The following ERBB4 variants were observed in gnomAD, a reference collection of about 807,000 sequenced individuals.
ERBB4 encodes the protein erb-b2 receptor tyrosine kinase 4.
Under a neutral mutation model 158.0 loss-of-function variants are expected in ERBB4, and 42 were observed. The observed-to-expected ratio is 0.27, with a 90% CI of 0.21 to 0.34. The LOEUF (loss-of-function observed/expected upper bound fraction) is 0.34, where lower values mean the gene tolerates loss of function less well. Ranked by LOEUF, ERBB4 falls within the 10% of genes least tolerant of loss-of-function variation. The pLI, the probability that ERBB4 is intolerant of heterozygous loss-of-function variation, is 1.00. For synonymous variants in ERBB4, 583 were observed against 558.7 expected (o/e 1.04, Z -0.61); for missense variants, 1,333 against 1,624.1 (o/e 0.82, Z 3.08).
chr2:211,424,303 T>C lies in ERBB4; in HGVS notation c.2720-2A>G. On this transcript the variant is annotated splice_acceptor_variant, in intron 22 of 27. Coordinates refer to ENST00000342788, the MANE Select transcript of ERBB4 (RefSeq NM_005235.3). LOFTEE classifies it high-confidence loss of function. ...TCATCAGTTCCCATATAGTAACTCCTATATTGGAGAAAAAATTCTTACTTA... is the reference window on the plus strand; with the variant it reads ...TCATCAGTTCCCATATAGTAACTCCCATATTGGAGAAAAAATTCTTACTTA... 2 of 1,610,622 alleles carry C rather than the reference T, an allele frequency of 1.2e-6. No homozygotes were observed. The highest frequency in any genetic ancestry group is 1.7e-6 in the Non-Finnish European group (2 of 1,177,322).
chr2:212,080,293 C>T (rs986088420), intron 2 of ERBB4, among the ~76,000 whole-genome samples: 1 of 150,692 alleles, frequency 6.6e-6, no homozygotes, highest in Non-Finnish European at 1.5e-5. Flanking sequence ...AGCCTGACAA[C>T]AGAGCCAGAC....
chr2:212,475,525 C>G (rs369253990), intron 1 of ERBB4, among the ~76,000 whole-genome samples: 4 of 152,296 alleles, frequency 2.6e-5, no homozygotes, highest in African/African-American at 9.6e-5. Context: ...CAAGCCTTCT[C>G]TGCATAATTA....
At position 212,157,264 on chromosome 2, in the gene ERBB4, C is replaced by G. The variant is rs6713322; in HGVS notation, c.83-32361G>C. ...GATCTATTTGCATGACTAACCTCAG[C>G]TGATGTCTCTTGTGGGATGTTATCC... On this transcript the variant is annotated intron_variant, in intron 1 of 27. Transcript: ENST00000342788. 1.5e-3 allele frequency among the ~76,000 whole-genome samples: 223 copies of G among 152,166 alleles called. 1 individual carries two copies. Among genetic ancestry groups the G allele is most frequent in the Middle Eastern group, 6.8e-3 (2 of 294 alleles).
At chr2:212,179,558 G>T (rs1435568582) in intron 1 of ERBB4, among the ~76,000 whole-genome samples, 1 of 151,492 alleles carries the variant, frequency 6.6e-6, no homozygotes, top group Non-Finnish European at 1.5e-5. Context: ...ATGGGTTGTT[G>T]GGTGTGAGAA....
At chr2:211,882,501 A>C (rs906399400) in intron 3 of ERBB4, among the ~76,000 whole-genome samples, 6 of 152,172 alleles carry the variant, frequency 3.9e-5, no homozygotes, top group Non-Finnish European at 5.9e-5. Context: ...AATTACTAAA[A>C]TATGGTTTCT....
intron 1 of ERBB4, among the ~76,000 whole-genome samples, chr2:212,334,492 C>T (rs2088333393): frequency 1.3e-5 from 2 of 151,840 alleles, no homozygotes; most frequent in African/African-American, 2.4e-5. Context: ...AATTTCTGTT[C>T]CTATAGTATC....
At chr2:211,769,985 A>T (rs1350062467) in intron 4 of ERBB4, among the ~76,000 whole-genome samples, 1 of 152,208 alleles carries the variant, frequency 6.6e-6, no homozygotes, top group African/African-American at 2.4e-5. Context: ...CCTTCAATCC[A>T]ATCAAGTTGA....
chr2:212,416,479 A>G (rs554697204), intron 1 of ERBB4, among the ~76,000 whole-genome samples: 21 of 152,246 alleles, frequency 1.4e-4, no homozygotes, highest in Non-Finnish European at 2.6e-4. Context: ...TTCTTTTTAT[A>G]TTAAAAAAAT....
chr2:211,530,182 C>G (rs984511582), intron 20 of ERBB4, among the ~76,000 whole-genome samples: 21 of 152,064 alleles, frequency 1.4e-4, no homozygotes, highest in Non-Finnish European at 2.9e-5. Context: ...ATATAGAAAT[C>G]ATTAGCATTT....
chr2:212,352,279 C>T (rs1212686416), intron 1 of ERBB4, among the ~76,000 whole-genome samples: 1 of 146,888 alleles, frequency 6.8e-6, no homozygotes, highest in Non-Finnish European at 1.5e-5. Context: ...GTGAGTATAC[C>T]AATGTAACAA....
chr2:211,650,631 T>C (rs903899807), intron 16 of ERBB4, among the ~76,000 whole-genome samples: 1 of 152,066 alleles, frequency 6.6e-6, no homozygotes, highest in South Asian at 2.1e-4. Flanking sequence ...TGTAAAACTA[T>C]TACCAAAATT....
chr2:211,405,099 C>A (rs1414779985), intron 25 of ERBB4, among the ~76,000 whole-genome samples: 5 of 151,934 alleles, frequency 3.3e-5, no homozygotes, highest in African/African-American at 1.2e-4. Context: ...AGATATTATT[C>A]TTATCATCAT....
At chr2:212,094,921 T>C (rs1181316572) in intron 2 of ERBB4, among the ~76,000 whole-genome samples, 2 of 152,354 alleles carry the variant, frequency 1.3e-5, no homozygotes, top group East Asian at 1.9e-4. Context: ...GTGTTATATA[T>C]GGATTACTTT....
intron 2 of ERBB4, among the ~76,000 whole-genome samples, chr2:212,052,940 G>A (rs1029102596): frequency 6.6e-6 from 1 of 152,170 alleles, no homozygotes; most frequent in Non-Finnish European, 1.5e-5. Context: ...GACAATACTT[G>A]TTGTCTCAGT....
chr2:211,733,355 T>C (rs1033392547), intron 5 of ERBB4, among the ~76,000 whole-genome samples: 9 of 152,164 alleles, frequency 5.9e-5, no homozygotes, highest in African/African-American at 2.2e-4. Context: ...AAAAATATTC[T>C]TGAGAGTGAG....
chr2:211,665,503 G>A (rs1559395888), intron 14 of ERBB4, 26 bp from the exon 15 acceptor site: 2 of 1,608,856 alleles, frequency 1.2e-6, no homozygotes. Context: ...GAAAAAAAAA[G>A]AAAAAAGAAA....
intron 1 of ERBB4, among the ~76,000 whole-genome samples, chr2:212,331,071 T>TATATATATATATATATACAC (rs147932949): frequency 4.2e-5 from 5 of 120,022 alleles, no homozygotes; most frequent in Non-Finnish European, 9.2e-5. Flanking sequence ...TATATATATA[T>TATATATATATATATATACAC]ACACATATAT....
intron 1 of ERBB4, among the ~76,000 whole-genome samples, chr2:212,275,305 G>A (rs1348804873): frequency 6.6e-6 from 1 of 151,862 alleles, no homozygotes; most frequent in East Asian, 1.9e-4. Context: ...GGATGGCTGG[G>A]TCAAATGGTA....
At chr2:212,213,590 A>C (rs1193573626) in intron 1 of ERBB4, among the ~76,000 whole-genome samples, 2 of 151,910 alleles carry the variant, frequency 1.3e-5, no homozygotes, top group African/African-American at 4.8e-5. Context: ...GAAAATATTT[A>C]CGTTTCCCTA....
Sources: allele counts gnomAD v4.1 joint callset (sites outside exome capture counted in the v4.1 genomes callset), GRCh38; gene constraint gnomAD v4.1.1; transcripts MANE v1.5; gene names NCBI Gene and HGNC (gene_info 2026-07-23, HGNC 2026-07-21).